Variants in NAV1 observed in about 807,000 individuals in gnomAD.
NAV1 encodes the protein neuron navigator 1.
A neutral mutation model predicts 175.2 loss-of-function variants in NAV1; 18 were observed. That is an observed-to-expected ratio of 0.10 (90% CI 0.07 to 0.15). The LOEUF (loss-of-function observed/expected upper bound fraction) is 0.15. Ranked by LOEUF, NAV1 falls within the 10% of genes least tolerant of loss-of-function variation. The pLI is 1.00. For missense variants in NAV1, 1,731 were observed against 2,436.6 expected (o/e 0.71, Z 6.10); for synonymous variants, 897 against 978.7 (o/e 0.92, Z 1.56).
chr1:201,555,953 A>G (rs1665998808), intron 1 of NAV1, among the ~76,000 whole-genome samples: 1 of 152,078 alleles, frequency 6.6e-6, no homozygotes, highest in African/African-American at 2.4e-5. Context: ...CAGTCTGTGG[A>G]AAAGGCCCAA....
chr1:201,810,782 C>A lies in NAV1; in HGVS notation c.4797+24C>A. On this transcript the variant is annotated intron_variant, in intron 24 of 29. Transcript: ENST00000367296. This position sits in a 1 kb window ranked among gnomAD's most constrained non-coding sequence, Gnocchi z 6.0. ...AGGTGGCTGCCCCCCGACACCCCTG[C>A]CAGCCTTTGTTCATGCCTCAGCCTT... is the stretch of plus-strand genomic sequence containing the variant. 6.3e-7 allele frequency: 1 copy of A among 1,590,784 alleles called. No individual in the cohort carries two copies. The highest frequency in any genetic ancestry group is 8.6e-7 in the Non-Finnish European group (1 of 1,160,862).
intron 2 of NAV1, among the ~76,000 whole-genome samples, chr1:201,589,771 C>T (rs570329680): frequency 1.1e-4 from 16 of 152,302 alleles, no homozygotes; most frequent in African/African-American, 3.1e-4. Context: ...GGATTACAGG[C>T]GTGAGCCACC....
At chr1:201,554,935 C>T (rs978204303) in intron 1 of NAV1, among the ~76,000 whole-genome samples, 2 of 152,146 alleles carry the variant, frequency 1.3e-5, no homozygotes, top group African/African-American at 2.4e-5. Flanking sequence ...CGGTGCTTTC[C>T]GACAATCCTT....
intron 1 of NAV1, among the ~76,000 whole-genome samples, chr1:201,679,376 A>G (rs1454416304): frequency 6.6e-6 from 1 of 152,042 alleles, no homozygotes. Flanking sequence ...TGATTTTTCC[A>G]TCTCAGACTG....
At chr1:201,616,178 G>A (rs1455136144) in intron 2 of NAV1, among the ~76,000 whole-genome samples, 1 of 152,126 alleles carries the variant, frequency 6.6e-6, no homozygotes, top group East Asian at 1.9e-4. Context: ...GAACTCAGAG[G>A]TTCCGCAATT....
chr1:201,709,858 T>C (rs1671824024), intron 1 of NAV1, among the ~76,000 whole-genome samples: 2 of 152,186 alleles, frequency 1.3e-5, no homozygotes, highest in African/African-American at 4.8e-5. Flanking sequence ...CTCTGTGATC[T>C]CCAGCTAGTC....
intron 1 of NAV1, among the ~76,000 whole-genome samples, chr1:201,660,897 G>C (rs1214146561): frequency 6.6e-6 from 1 of 152,172 alleles, no homozygotes; most frequent in Admixed American, 6.5e-5. Context: ...GTGGCAGGGG[G>C]AGCACATGAG....
chr1:201,568,346 C>T (rs1365286323), intron 1 of NAV1, among the ~76,000 whole-genome samples: 2 of 152,186 alleles, frequency 1.3e-5, no homozygotes, highest in African/African-American at 2.4e-5. Flanking sequence ...TCCTGTAACA[C>T]CCAAAGCCTA....
intron 1 of NAV1, among the ~76,000 whole-genome samples, chr1:201,578,625 T>C (rs184783645): frequency 6.2e-4 from 94 of 152,302 alleles, no homozygotes; most frequent in Non-Finnish European, 1.0e-3. Context: ...GGCTTGCTAC[T>C]CAGCCTTCTC....
chr1:201,821,632 C>T (rs1334867320), exon 30 of NAV1: 6 of 152,146 alleles, frequency 3.9e-5, no homozygotes, highest in African/African-American at 4.8e-5. Flanking sequence ...TCTAGACCTT[C>T]GGGATCATCT....
In NAV1 at chr1:201,570,736, C is replaced by T. The variant is rs369305424; in HGVS notation, c.-143-17803C>T. On this transcript the variant is annotated intron_variant, in intron 1 of 33. Coordinates refer to the NAV1 transcript ENST00000685211. Reference sequence around the variant, plus strand: ...TTTTCTGCTCAGAAGAGGCACCAAGCACATTGAGTCTTCCTCACTTGGGAT... The same window carrying T: ...TTTTCTGCTCAGAAGAGGCACCAAGTACATTGAGTCTTCCTCACTTGGGAT... Among the ~76,000 whole-genome samples, 5 of 152,338 alleles carry T rather than the reference C, an allele frequency of 3.3e-5. No homozygotes were observed. In the East Asian group the frequency reaches 7.7e-4, roughly 24 times the overall value.
intron 2 of NAV1, among the ~76,000 whole-genome samples, chr1:201,600,953 G>T (rs2102231695): frequency 6.6e-6 from 1 of 152,274 alleles, no homozygotes; most frequent in Non-Finnish European, 1.5e-5. Flanking sequence ...CAGTAAACCT[G>T]CTGTTCTCTT....
upstream of NAV1, chr1:201,622,848 T>C (rs1668215731): frequency 3.1e-5 from 31 of 985,880 alleles, no homozygotes; most frequent in Non-Finnish European, 3.7e-5. Flanking sequence ...CCTCTCTCCC[T>C]GCAGGACAGT....
At chr1:201,683,243 C>G (rs1018923622) in intron 1 of NAV1, among the ~76,000 whole-genome samples, 15 of 152,138 alleles carry the variant, frequency 9.9e-5, no homozygotes, top group Non-Finnish European at 1.5e-4. Context: ...CATGGCTAAA[C>G]AGGGATTATG....
intron 1 of NAV1, among the ~76,000 whole-genome samples, chr1:201,566,984 C>G (rs1192230060): frequency 6.6e-6 from 1 of 152,106 alleles, no homozygotes; most frequent in Admixed American, 6.6e-5. Context: ...GTGATTCCCT[C>G]CTCACTTATA....
intron 1 of NAV1, among the ~76,000 whole-genome samples, chr1:201,712,511 G>T (rs920098015): frequency 3.9e-5 from 6 of 152,206 alleles, no homozygotes; most frequent in Non-Finnish European, 8.8e-5. Context: ...GAGAAGCAGG[G>T]CCTCCCCAAA....
intron 2 of NAV1, among the ~76,000 whole-genome samples, chr1:201,606,299 G>C (rs746961838): frequency 4.6e-5 from 7 of 152,172 alleles, no homozygotes; most frequent in Non-Finnish European, 8.8e-5. Flanking sequence ...AAAACAGGGG[G>C]CTACCTGGTC....
chr1:201,781,104 C>T (rs749363564), exon 5 of NAV1: 16 of 1,614,128 alleles, frequency 9.9e-6, no homozygotes, highest in Admixed American at 1.7e-5. Flanking sequence ...AACTGGAGTA[C>T]GACAGTGGTA....
At chr1:201,760,608 G>A (rs184960497) in intron 3 of NAV1, among the ~76,000 whole-genome samples, 1 of 152,300 alleles carries the variant, frequency 6.6e-6, no homozygotes, top group African/African-American at 2.4e-5. Flanking sequence ...GAATTCCTGA[G>A]AGAAATGTTT....
Sources: allele counts gnomAD v4.1 joint callset (sites outside exome capture counted in the v4.1 genomes callset), GRCh38; gene constraint gnomAD v4.1.1; non-coding constraint Gnocchi (gnomAD v3.1); transcripts MANE v1.5; gene names NCBI Gene and HGNC (gene_info 2026-07-23, HGNC 2026-07-21).